Variants in PHKA1 observed in about 807,000 individuals in gnomAD.
PHKA1 encodes phosphorylase kinase regulatory subunit alpha 1, also known as phosphorylase b kinase regulatory subunit alpha, skeletal muscle isoform.
PHKA1 carries 60 observed loss-of-function variants against 110.2 expected under a neutral mutation model. That is an observed-to-expected ratio of 0.54 (90% CI 0.44 to 0.68). The LOEUF (loss-of-function observed/expected upper bound fraction) is 0.68. Ranked by LOEUF, PHKA1 falls within the 30% of genes least tolerant of loss-of-function variation. The pLI, the probability that PHKA1 is intolerant of heterozygous loss-of-function variation, is 0.00. For missense variants in PHKA1, 801 were observed against 942.5 expected, an observed-to-expected ratio of 0.85 and a Z score of 1.97; for synonymous variants, 316 against 333.6, an observed-to-expected ratio of 0.95 and a Z score of 0.58.
intron 2 of PHKA1, among the ~76,000 whole-genome samples, chrX:72,707,651 GTGT>G (rs2054308742): frequency 9.1e-6 from 1 of 109,895 alleles, no homozygotes; most frequent in African/African-American, 3.3e-5. Flanking sequence ...GTGTGTGTGT[GTGT>G]GTGTGTGTGT....
intron 17 of PHKA1, among the ~76,000 whole-genome samples, chrX:72,623,666 T>C (rs2053012230): frequency 9.0e-6 from 1 of 110,795 alleles, no homozygotes; most frequent in Non-Finnish European, 1.9e-5. Context: ...CCAAAGGTCA[T>C]TTGAACATAA....
chrX:72,695,162 T>G (rs1839376256), intron 4 of PHKA1, among the ~76,000 whole-genome samples: 1 of 111,518 alleles, frequency 9.0e-6, no homozygotes, highest in Non-Finnish European at 1.9e-5. Flanking sequence ...AATATGGTAT[T>G]TTGAGAAGTA....
chrX:72,676,260 CATATAT>C (rs376378016), intron 5 of PHKA1, 110 bp from the exon 6 acceptor site: 5 of 450,731 alleles, frequency 1.1e-5, no homozygotes, highest in South Asian at 7.3e-5. Flanking sequence ...ACTAATTTGC[CATATAT>C]ATATATATAT....
At chrX:72,622,056 G>A (rs1256061462) in intron 18 of PHKA1, 1 of 740,777 alleles carries the variant, frequency 1.3e-6, no homozygotes, top group African/African-American at 2.3e-5. Context: ...AGTATTTTAT[G>A]CCAAGACATC....
chrX:72,591,529 G>T (rs1342837020), intron 29 of PHKA1, among the ~76,000 whole-genome samples: 1 of 110,473 alleles, frequency 9.1e-6, no homozygotes, highest in African/African-American at 3.3e-5. Context: ...CTTGCACATT[G>T]TGCTCATGTA....
chrX:72,605,469 G>A (rs2052715356), intron 24 of PHKA1, 69 bp from the exon 25 acceptor site: 1 of 1,168,559 alleles, frequency 8.6e-7, no homozygotes. Context: ...GTTGTCTTTG[G>A]AAATTGCTAG....
intron 17 of PHKA1, 118 bp from the exon 18 acceptor site, chrX:72,623,393 C>A: frequency 1.9e-6 from 1 of 521,357 alleles, no homozygotes; most frequent in Non-Finnish European, 3.2e-6. Flanking sequence ...AATGTGCATA[C>A]ATTAATATAA....
intron 25 of PHKA1, among the ~76,000 whole-genome samples, chrX:72,604,973 A>T (rs1263885562): frequency 9.0e-6 from 1 of 111,584 alleles, no homozygotes; most frequent in Non-Finnish European, 1.9e-5. Context: ...TGTCTGTCAC[A>T]CTCAAATACT....
rs943890264 is a variant in PHKA1 at position 72,633,315 on chromosome X, G to T, written c.1714+1840C>A. Reference sequence around the variant, plus strand: ...CTTATAAAAGGGCTTAAGAGAGTGGGTTTGCTTCTTTTCTGTCCCTTCTAC... The same window carrying T: ...CTTATAAAAGGGCTTAAGAGAGTGGTTTTGCTTCTTTTCTGTCCCTTCTAC... On this transcript the variant is annotated intron_variant, in intron 16 of 31. Transcript: ENST00000373542. 9.1e-4 allele frequency among the ~76,000 whole-genome samples: 101 copies of T among 110,737 alleles called. 4 individuals carry two copies. The Admixed American group carries it at 9.6e-3, about 11-fold the overall frequency.
At chrX:72,599,793 T>G in intron 28 of PHKA1, 1 of 539,210 alleles carries the variant, frequency 1.9e-6, no homozygotes, top group Non-Finnish European at 3.4e-6. Context: ...GAATGGCATA[T>G]ACGAGAAGAT....
chrX:72,587,870 A>T (rs1484904026), intron 29 of PHKA1, among the ~76,000 whole-genome samples: 5 of 112,313 alleles, frequency 4.5e-5, no homozygotes. Flanking sequence ...GATCAATTCA[A>T]CAAGAAGAGC....
chrX:72,687,000 C>T (rs1286027009), intron 4 of PHKA1, among the ~76,000 whole-genome samples: 1 of 112,002 alleles, frequency 8.9e-6, no homozygotes, highest in Non-Finnish European at 1.9e-5. Context: ...AATTTTTAAT[C>T]TTTGTCTCAC....
At position 72,653,465 on chromosome X, in the gene PHKA1, C is replaced by G. The variant is rs1556299904; in HGVS notation, c.1107G>C (p.Leu369=). ...LIKGKNGVPL[L]PELYSVPPDR... ...CAGGAGGAACACTGTACAGCTCTGG[C>G]AGAAGTGGGACTCCATTTTTGCCCT... Residue 369 remains leucine (L), a synonymous_variant, in exon 11 of 32, where the codon CTG becomes CTC. Coordinates refer to ENST00000373542, the MANE Select transcript of PHKA1 (RefSeq NM_002637.4). 1 of 1,206,071 alleles carries G rather than the reference C, an allele frequency of 8.3e-7. No homozygotes were observed. Among genetic ancestry groups the G allele is most frequent in the South Asian group, 1.8e-5 (1 of 56,632 alleles).
intron 10 of PHKA1, 98 bp from the exon 11 acceptor site, chrX:72,653,628 G>A (rs1287825866): frequency 1.5e-5 from 8 of 545,082 alleles, no homozygotes; most frequent in Non-Finnish European, 2.6e-5. Context: ...TTGCAAAGGA[G>A]CTTATTCACC....
chrX:72,710,002 G>A lies in PHKA1; in HGVS notation c.237+2777C>T, dbSNP rs782446390. Among the ~76,000 whole-genome samples, 273 of 89,781 alleles carry A rather than the reference G, an allele frequency of 3.0e-3. 1 individual carries two copies. Among genetic ancestry groups the A allele is most frequent in the African/African-American group, 0.012 (266 of 22,544 alleles). 78.0% of individuals were successfully genotyped at this position (89,781 alleles called of 115,157 possible). On this transcript the variant is annotated intron_variant, in intron 2 of 31. Transcript: ENST00000373542. ...GATCGCAGTGAGCCGAGATCGCACCGCCGCACTCCAACCTGGGCAATAGAG... is the reference window on the plus strand; with the variant it reads ...GATCGCAGTGAGCCGAGATCGCACCACCGCACTCCAACCTGGGCAATAGAG...
intron 29 of PHKA1, among the ~76,000 whole-genome samples, chrX:72,587,018 A>G (rs1040559201): frequency 9.0e-6 from 1 of 111,437 alleles, no homozygotes; most frequent in Non-Finnish European, 1.9e-5. Context: ...GCAGGATACT[A>G]TCCAGGAGAA....
intron 29 of PHKA1, among the ~76,000 whole-genome samples, chrX:72,589,897 A>G (rs2052492879): frequency 9.0e-6 from 1 of 111,217 alleles, no homozygotes; most frequent in South Asian, 3.9e-4. Context: ...AAGGAGAACT[A>G]CAAACCACTG....
At chrX:72,669,382 A>G (rs1166805053) in intron 6 of PHKA1, among the ~76,000 whole-genome samples, 1 of 109,423 alleles carries the variant, frequency 9.1e-6, no homozygotes. Flanking sequence ...GTTGTTTTTA[A>G]TTTTATTACT....
intron 21 of PHKA1, among the ~76,000 whole-genome samples, chrX:72,614,821 T>C (rs2052866677): frequency 1.8e-5 from 2 of 111,257 alleles, no homozygotes; most frequent in East Asian, 2.8e-4. Context: ...TCTGGGTTAC[T>C]TGAAGGAATG....
Sources: gnomAD v4.1 joint callset for allele counts (sites outside exome capture counted in the v4.1 genomes callset) on GRCh38, gnomAD v4.1.1 for gene constraint, MANE v1.5 for transcripts, NCBI Gene and HGNC (gene_info 2026-07-23, HGNC 2026-07-21) for gene names.